The following ZNF383 variants were observed in gnomAD, a reference collection of about 807,000 sequenced individuals.
ZNF383 encodes the protein zinc finger protein 383.
ZNF383 carries 32 observed loss-of-function variants against 44.2 expected under a neutral mutation model. The observed-to-expected ratio is 0.72, with a 90% confidence interval of 0.55 to 0.97. ZNF383 has a LOEUF of 0.97. Among genes scored for constraint, ZNF383 ranks in the 50% least tolerant of loss-of-function variants. The probability of loss-of-function intolerance (pLI) is 0.00; values close to 1 mark genes in which losing one functional copy is unlikely to be tolerated. For synonymous variants in ZNF383, 155 were observed against 186.2 expected (o/e 0.83, Z 1.36); for missense variants, 487 against 562.5 (o/e 0.87, Z 1.36).
chr19:37,233,386 C>T (rs897913566), intron 3 of ZNF383, among the ~76,000 whole-genome samples: 1 of 150,830 alleles, frequency 6.6e-6, no homozygotes, highest in Non-Finnish European at 1.5e-5. Flanking sequence ...CTGCCTTGGC[C>T]TCCCAAAGTT....
Position 37,246,921 on chromosome 19 carries a change from A to C in ZNF383, c.*3257A>C, listed in dbSNP as rs1318036476. 1 of 152,226 alleles carries C rather than the reference A, an allele frequency of 6.6e-6. No individual in the cohort carries two copies. Among genetic ancestry groups the C allele is most frequent in the Non-Finnish European group, 1.5e-5 (1 of 68,048 alleles). 9.4% of individuals were successfully genotyped at this position (152,226 alleles called of 1,614,324 possible). A position where few individuals can be genotyped will look rare whatever the true frequency, so the allele number is the denominator to read the frequency against. On this transcript the variant is annotated 3_prime_UTR_variant, in exon 6 of 6. Transcript: ENST00000684119. Reference sequence around the variant, plus strand: ...AATATTTCCCCCCAAAATGCAGAAAACATACTGGCAACATTATTTGACCAG... The same window carrying C: ...AATATTTCCCCCCAAAATGCAGAAACCATACTGGCAACATTATTTGACCAG...
At chr19:37,236,813 C>T (rs1973823411) in intron 5 of ZNF383, among the ~76,000 whole-genome samples, 1 of 152,078 alleles carries the variant, frequency 6.6e-6, no homozygotes, top group Admixed American at 6.6e-5. Context: ...CATGATCTAC[C>T]CGCCTCAGCC....
intron 5 of ZNF383, among the ~76,000 whole-genome samples, chr19:37,241,859 T>C (rs1974097247): frequency 6.6e-6 from 1 of 151,458 alleles, no homozygotes; most frequent in Admixed American, 6.6e-5. Flanking sequence ...GGCTAGAAAA[T>C]GATCCACTTC....
intron 3 of ZNF383, among the ~76,000 whole-genome samples, chr19:37,232,023 T>A (rs1255704830): frequency 6.6e-6 from 1 of 152,192 alleles, no homozygotes; most frequent in African/African-American, 2.4e-5. Flanking sequence ...TTGACAAAAC[T>A]AATTAGTATT....
At chr19:37,232,023 T>G (rs1255704830) in intron 3 of ZNF383, among the ~76,000 whole-genome samples, 1 of 152,192 alleles carries the variant, frequency 6.6e-6, no homozygotes, top group Non-Finnish European at 1.5e-5. Flanking sequence ...TTGACAAAAC[T>G]AATTAGTATT....
Position 37,236,008 on chromosome 19 carries a change from T to C in ZNF383, c.166T>C (p.Ser56Pro), listed in dbSNP as rs753157693. 26 of 1,613,760 alleles carry C rather than the reference T, an allele frequency of 1.6e-5. No homozygotes were observed. Among genetic ancestry groups the C allele is most frequent in the Non-Finnish European group, 1.9e-5 (23 of 1,179,902 alleles). ...TTACACTCCTAAGCCTCAAGTGATC[T>C]CCTTATTGGAACAAGGGAAAGAGCC... ...GLYTPKPQVI[S>P]LLEQGKEPWM... Residue 56 changes from serine (S) to proline (P), a missense_variant, in exon 5 of 6, where the codon TCC (serine) becomes CCC (proline). By Grantham distance (74) the Ser-to-Pro change is moderately conservative (BLOSUM62 -1). Transcript: ENST00000684119.
At chr19:37,226,075 C>A (rs1300797422) in intron 2 of ZNF383, among the ~76,000 whole-genome samples, 1 of 151,694 alleles carries the variant, frequency 6.6e-6, no homozygotes, top group Non-Finnish European at 1.5e-5. Flanking sequence ...ATTCTTTGAA[C>A]CACCAGTTAT....
intron 2 of ZNF383, chr19:37,227,590 A>C (rs1283845128): frequency 6.6e-6 from 1 of 152,616 alleles, no homozygotes; most frequent in Non-Finnish European, 1.5e-5. Flanking sequence ...TAAAGACCCA[A>C]GACAGAGATA....
At position 37,242,907 on chromosome 19, in the gene ZNF383, A is replaced by G; in HGVS notation, c.671A>G (p.Lys224Arg). The change falls in exon 6 of 6, where the codon AAA becomes AGA. Residue 224 changes from lysine (K) to arginine (R), a missense_variant. Transcript: ENST00000684119. ...TRHLKIHTGE[K>R]PFECKECGKA... ...CATCTGAAAATTCATACTGGCGAAA[A>G]ACCCTTTGAATGTAAGGAATGTGGA... The G allele has an allele frequency of 1.2e-6, 2 of 1,614,110 alleles. No homozygotes were observed. Among genetic ancestry groups the G allele is most frequent in the Non-Finnish European group, 1.7e-6 (2 of 1,180,016 alleles).
At chr19:37,228,449 ATAAC>A (rs1973291542) in intron 2 of ZNF383, among the ~76,000 whole-genome samples, 1 of 151,190 alleles carries the variant, frequency 6.6e-6, no homozygotes, top group Non-Finnish European at 1.5e-5. Context: ...TATTTTTAGT[ATAAC>A]TATTTTTATT....
chr19:37,236,976 C>G lies in ZNF383; in HGVS notation c.232+902C>G, dbSNP rs537574962. ...GTGAACACACACACACACACACACACACACACACACACACACACAGAGACA... is the reference window on the plus strand; with the variant it reads ...GTGAACACACACACACACACACACAGACACACACACACACACACAGAGACA... On this transcript the variant is annotated intron_variant, in intron 5 of 5. Transcript: ENST00000684119. Among the ~76,000 whole-genome samples, 120 of 151,568 alleles carry G rather than the reference C, an allele frequency of 7.9e-4. 5 individuals carry two copies. In the South Asian group the frequency reaches 0.023, roughly 29 times the overall value.
intron 3 of ZNF383, among the ~76,000 whole-genome samples, chr19:37,234,959 T>C (rs1973708161): frequency 6.6e-6 from 1 of 152,178 alleles, no homozygotes; most frequent in Admixed American, 6.6e-5. Context: ...TGGTTTCTTT[T>C]ATTTGAAAAT....
At chr19:37,224,175 T>G (rs956053148) in intron 1 of ZNF383, among the ~76,000 whole-genome samples, 2 of 152,066 alleles carry the variant, frequency 1.3e-5, no homozygotes, top group Non-Finnish European at 2.9e-5. Context: ...AATATAAAAT[T>G]TTTAGTTTAT....
Position 37,243,354 on chromosome 19 carries a change from A to G in ZNF383, c.1118A>G (p.Lys373Arg). The G allele has an allele frequency of 6.2e-7, 1 of 1,614,198 alleles. No individual in the cohort carries two copies. The highest frequency in any genetic ancestry group is 1.1e-5 in the South Asian group (1 of 91,074). Residue 373 changes from lysine to arginine, a missense_variant, in exon 6 of 6, where the codon AAG becomes AGG. Physicochemically the swap from Lys to Arg is conservative, Grantham distance 26 (BLOSUM62 2). Transcript: ENST00000684119. ...CCCTATGATTGTAAGGAATGTGGAA[A>G]GGCTTTTACTCAGAGCTCACAGCTT... is the stretch of plus-strand genomic sequence containing the variant. Reference protein sequence around the residue: ...EKPYDCKECGKAFTQSSQLRQ... With the variant: ...EKPYDCKECGRAFTQSSQLRQ...
intron 1 of ZNF383, among the ~76,000 whole-genome samples, chr19:37,221,853 A>G (rs1046712353): frequency 5.3e-5 from 8 of 150,888 alleles, no homozygotes; most frequent in African/African-American, 2.0e-4. Context: ...CTACTTGGGA[A>G]GCTGAGGCGG....
At chr19:37,236,378 T>C (rs539908908) in intron 5 of ZNF383, among the ~76,000 whole-genome samples, 3 of 152,112 alleles carry the variant, frequency 2.0e-5, no homozygotes, top group East Asian at 3.9e-4. Context: ...CTAGCTTTTT[T>C]TACTCTCTCT....
chr19:37,236,104 G>T, intron 5 of ZNF383, 30 bp downstream of exon 5: 1 of 1,569,212 alleles, frequency 6.4e-7, no homozygotes, highest in Non-Finnish European at 8.7e-7. Context: ...ACAGGAGAAA[G>T]TCACGATAGG....
chr19:37,236,334 C>G (rs1048494173), intron 5 of ZNF383, among the ~76,000 whole-genome samples: 1 of 151,800 alleles, frequency 6.6e-6, no homozygotes, highest in African/African-American at 2.4e-5. Flanking sequence ...TAAAAAAAAC[C>G]CTATTTTACC....
At chr19:37,234,953 T>C (rs1212148230) in intron 3 of ZNF383, among the ~76,000 whole-genome samples, 1 of 152,116 alleles carries the variant, frequency 6.6e-6, no homozygotes, top group African/African-American at 2.4e-5. Context: ...GAACCTTGGT[T>C]TCTTTTATTT....
Sources: allele counts gnomAD v4.1 joint callset (sites outside exome capture counted in the v4.1 genomes callset), GRCh38; gene constraint gnomAD v4.1.1; transcripts MANE v1.5; gene names NCBI Gene and HGNC (gene_info 2026-07-23, HGNC 2026-07-21).